The following ZNF407 variants were observed in gnomAD, a reference collection of about 807,000 sequenced individuals.
ZNF407 encodes the protein zinc finger protein 407.
A neutral mutation model predicts 131.2 loss-of-function variants in ZNF407; 17 were observed. The observed-to-expected ratio is 0.13, with a 90% CI of 0.09 to 0.19. ZNF407 has a LOEUF of 0.19. Among genes scored for constraint, ZNF407 ranks in the 10% least tolerant of loss-of-function variants. The pLI is 1.00. For synonymous variants in ZNF407, 1,156 were observed against 1,062.0 expected, an observed-to-expected ratio of 1.09 and a Z score of -1.72; for missense variants, 2,681 against 2,830.6, an observed-to-expected ratio of 0.95 and a Z score of 1.20.
intron 8 of ZNF407, among the ~76,000 whole-genome samples, chr18:75,032,614 G>T (rs1056582897): frequency 6.6e-6 from 1 of 152,168 alleles, no homozygotes; most frequent in African/African-American, 2.4e-5. Flanking sequence ...AGCTTCATAC[G>T]CATTTAGCAT....
intron 3 of ZNF407, among the ~76,000 whole-genome samples, chr18:74,727,640 A>G (rs1427132536): frequency 6.6e-6 from 1 of 152,168 alleles, no homozygotes; most frequent in Non-Finnish European, 1.5e-5. Flanking sequence ...AACTTTCAGA[A>G]TTGTGAATAA....
At chr18:74,847,331 A>G (rs548034222) in intron 4 of ZNF407, among the ~76,000 whole-genome samples, 4 of 152,206 alleles carry the variant, frequency 2.6e-5, no homozygotes, top group Middle Eastern at 3.4e-3. Flanking sequence ...TCTCATATCA[A>G]CCACTCCATG....
intron 3 of ZNF407, among the ~76,000 whole-genome samples, chr18:74,737,178 A>G (rs749312112): frequency 7.2e-5 from 11 of 152,214 alleles, no homozygotes; most frequent in Non-Finnish European, 8.8e-5. Flanking sequence ...TATTTATTCA[A>G]GAATGTTGGA....
At chr18:74,937,527 A>G (rs1972052077) in intron 8 of ZNF407, among the ~76,000 whole-genome samples, 1 of 152,160 alleles carries the variant, frequency 6.6e-6, no homozygotes, top group African/African-American at 2.4e-5. Context: ...TCACCATCCC[A>G]AAAGTTTTAT....
chr18:74,727,297 TAGGAAGAGAGTGA>T (rs903046823), intron 3 of ZNF407, among the ~76,000 whole-genome samples: 10 of 145,256 alleles, frequency 6.9e-5, no homozygotes, highest in East Asian at 3.9e-4. Context: ...AGTGAAGGAG[TAGGAAGAGAGTGA>T]AGGAAGAGAG....
At chr18:75,027,274 G>T (rs1244467056) in intron 8 of ZNF407, among the ~76,000 whole-genome samples, 1 of 152,236 alleles carries the variant, frequency 6.6e-6, no homozygotes, top group Non-Finnish European at 1.5e-5. Context: ...AAGGAAGAGG[G>T]TGGTGCATAG....
At chr18:74,696,212 G>C (rs887930817) in intron 3 of ZNF407, among the ~76,000 whole-genome samples, 1 of 152,204 alleles carries the variant, frequency 6.6e-6, no homozygotes, top group Non-Finnish European at 1.5e-5. Flanking sequence ...TAGAGCCCTT[G>C]ACAGGGAGAG....
At chr18:74,972,900 C>T (rs2145305155) in intron 8 of ZNF407, among the ~76,000 whole-genome samples, 1 of 152,270 alleles carries the variant, frequency 6.6e-6, no homozygotes, top group African/African-American at 2.4e-5. Flanking sequence ...TCCTCTTTAA[C>T]AATCTCTGTT....
In ZNF407 at chr18:74,755,885, C is replaced by CTTTTT. The variant is rs34750560; in HGVS notation, c.4803-25521_4803-25517dup. ...CCTTCCTTCCTTCCTCTTTTCCTTC[C>CTTTTT]TTTTTTTTTTTTTTTTTTTTTTTTT... On this transcript the variant is annotated intron_variant, in intron 3 of 8. Transcript: ENST00000299687. Among the ~76,000 whole-genome samples, 239 of 25,832 alleles carry CTTTTT rather than the reference C, an allele frequency of 9.3e-3. 91 individuals are homozygous for CTTTTT. Among genetic ancestry groups the CTTTTT allele is most frequent in the Non-Finnish European group, 0.01 (170 of 16,794 alleles). The allele number at this position is 25,832 out of a possible 152,430, so 16.9% of individuals were successfully genotyped here. A position where few individuals can be genotyped will look rare whatever the true frequency, so the allele number is the denominator to read the frequency against.
At chr18:74,713,239 C>G (rs1277417489) in intron 3 of ZNF407, among the ~76,000 whole-genome samples, 1 of 151,972 alleles carries the variant, frequency 6.6e-6, no homozygotes, top group African/African-American at 2.4e-5. Flanking sequence ...AACTCCAAGA[C>G]TCCTCCAATC....
intron 3 of ZNF407, among the ~76,000 whole-genome samples, chr18:74,645,659 G>A (rs553281666): frequency 2.0e-4 from 30 of 151,936 alleles, no homozygotes; most frequent in African/African-American, 7.2e-4. Flanking sequence ...GTGTGTGTGT[G>A]TGTGTGTGTG....
intron 7 of ZNF407, among the ~76,000 whole-genome samples, chr18:74,893,224 T>G (rs957873804): frequency 1.3e-5 from 2 of 152,196 alleles, no homozygotes; most frequent in African/African-American, 4.8e-5. Context: ...TTGTTACTGT[T>G]CTATAAATAA....
chr18:75,007,720 G>A (rs1467735967), intron 8 of ZNF407, among the ~76,000 whole-genome samples: 1 of 152,124 alleles, frequency 6.6e-6, no homozygotes, highest in African/African-American at 2.4e-5. Flanking sequence ...TCAGAGCCAA[G>A]GTCCATAGAA....
At chr18:74,675,147 C>T (rs947989234) in intron 3 of ZNF407, among the ~76,000 whole-genome samples, 6 of 152,212 alleles carry the variant, frequency 3.9e-5, no homozygotes, top group African/African-American at 1.4e-4. Context: ...AGTTGCCAAG[C>T]ATGTTTCTGC....
At chr18:74,696,928 CAAAT>C (rs1329189818) in intron 3 of ZNF407, among the ~76,000 whole-genome samples, 5 of 152,044 alleles carry the variant, frequency 3.3e-5, no homozygotes, top group Non-Finnish European at 5.9e-5. Flanking sequence ...ACATAAAAAA[CAAAT>C]AAAAACACAG....
At chr18:74,735,042 T>G (rs1018774111) in intron 3 of ZNF407, among the ~76,000 whole-genome samples, 3 of 152,198 alleles carry the variant, frequency 2.0e-5, no homozygotes, top group African/African-American at 7.2e-5. Context: ...TTGGTTGAAA[T>G]GAAATTAGAA....
In ZNF407 at chr18:74,881,157, G is replaced by C. The variant is rs775791597; in HGVS notation, c.5128+38G>C. 7.9e-6 allele frequency: 12 copies of C among 1,527,854 alleles called. No individual in the cohort carries two copies. The Admixed American group carries it at 2.4e-4, about 30-fold the overall frequency. 94.6% of individuals were successfully genotyped at this position (1,527,854 alleles called of 1,614,324 possible). On this transcript the variant is annotated intron_variant, in intron 6 of 8. Transcript: ENST00000299687. ...GCTGCACTGGCCCCTTCTCTGCAGA[G>C]AGGACGGCAAGACACCCCAGCCTCA...
rs80247158 is a variant in ZNF407, at chr18:74,647,870, A to G, written c.4802+6748A>G. Among the ~76,000 whole-genome samples the G allele has an allele frequency of 2.9e-3, 444 of 152,230 alleles. 3 individuals carry two copies. Among genetic ancestry groups the G allele is most frequent in the African/African-American group, 0.01 (417 of 41,552 alleles). ...GAGGACGAGCTCTGCTGAGGAGCAG[A>G]AGGAAAATCTTTTCTCACAGGAGGG... On this transcript the variant is annotated intron_variant, in intron 3 of 8. Transcript: ENST00000299687.
chr18:75,060,597 C>T (rs1173221012), intron 8 of ZNF407, among the ~76,000 whole-genome samples: 4 of 151,450 alleles, frequency 2.6e-5, no homozygotes, highest in Admixed American at 1.3e-4. Context: ...GCTCCGCCTC[C>T]CGGGTTCCCG....
Sources: allele counts gnomAD v4.1 joint callset (sites outside exome capture counted in the v4.1 genomes callset), GRCh38; gene constraint gnomAD v4.1.1; transcripts MANE v1.5; gene names NCBI Gene and HGNC (gene_info 2026-07-23, HGNC 2026-07-21).